Variants in SMC2 observed in about 807,000 individuals in gnomAD.
The protein encoded by SMC2 is structural maintenance of chromosomes 2, also known as structural maintenance of chromosomes protein 2.
A neutral mutation model predicts 142.6 loss-of-function variants in SMC2; 41 were observed. The ratio of observed to expected loss-of-function variants is 0.29; its 90% CI spans 0.22 to 0.37. The LOEUF is 0.37. SMC2 is among the 10% of genes least tolerant of loss of function. SMC2 has a pLI of 1.00. For synonymous variants in SMC2, 463 were observed against 457.5 expected (o/e 1.01, Z -0.15); for missense variants, 1,265 against 1,373.7 (o/e 0.92, Z 1.25).
Position 104,121,034 on chromosome 9 carries a change from G to A in SMC2, c.2132+872G>A, listed in dbSNP as rs931651571. 1.2e-4 allele frequency among the ~76,000 whole-genome samples: 17 copies of A among 137,284 alleles called. 1 individual carries two copies. Among genetic ancestry groups the A allele is most frequent in the Admixed American group, 1.1e-3 (16 of 14,760 alleles). The allele number at this position is 137,284 out of a possible 152,430, so 90.1% of individuals were successfully genotyped here. A position where few individuals can be genotyped will look rare whatever the true frequency, so the allele number is the denominator to read the frequency against. ...AAGACATGTTAAAATTTTATATTGG[G>A]TGGCCAAGAAAAGCCTCACTGAGGA... On this transcript the variant is annotated intron_variant, in intron 16 of 24. Coordinates refer to ENST00000374793, the MANE Select transcript of SMC2 (RefSeq NM_006444.3).
rs1157079122 is a variant in SMC2 at position 104,100,374 on chromosome 9, T to G, written c.592-15T>G. 6.6e-7 allele frequency: 1 copy of G among 1,518,656 alleles called. No individual in the cohort carries two copies. The highest frequency in any genetic ancestry group is 1.4e-5 in the African/African-American group (1 of 72,134). The allele number at this position is 1,518,656 out of a possible 1,614,324, so 94.1% of individuals were successfully genotyped here. A position where few individuals can be genotyped will look rare whatever the true frequency, so the allele number is the denominator to read the frequency against. On this transcript the variant is annotated splice_polypyrimidine_tract_variant and intron_variant, in intron 6 of 24. Coordinates refer to ENST00000374793, the MANE Select transcript of SMC2 (RefSeq NM_006444.3). ...ACTTTACATGCGAAAATACTGATTT[T>G]TCTTTATTTTCCAGATACTTGAAGA...
At chr9:104,118,111 A>C in intron 14 of SMC2, 60 bp from the exon 15 acceptor site, 1 of 1,352,658 alleles carries the variant, frequency 7.4e-7, no homozygotes, top group Non-Finnish European at 1.0e-6. Context: ...GGTTTATAAA[A>C]TCATATCTGA....
intron 21 of SMC2, among the ~76,000 whole-genome samples, 191 bp from the exon 22 acceptor site, chr9:104,131,818 T>C (rs1381513462): frequency 1.3e-5 from 2 of 152,040 alleles, no homozygotes; most frequent in South Asian, 4.1e-4. Flanking sequence ...TGAGTGTGTA[T>C]ATACACACAC....
Position 104,139,394 on chromosome 9 carries a change from T to G in SMC2, c.*79T>G. Reference sequence around the variant, plus strand: ...GGACTTGAGATAACTAATTTGTTTATATACAAAAATTAATGTTACTGTGTT... The same window carrying G: ...GGACTTGAGATAACTAATTTGTTTAGATACAAAAATTAATGTTACTGTGTT... On this transcript the variant is annotated 3_prime_UTR_variant, in exon 25 of 25. Transcript: ENST00000374793. 6.8e-6 allele frequency: 8 copies of G among 1,171,656 alleles called. No homozygotes were observed. Among genetic ancestry groups the G allele is most frequent in the Non-Finnish European group, 8.4e-6 (7 of 836,822 alleles). 72.6% of individuals were successfully genotyped at this position (1,171,656 alleles called of 1,614,324 possible). A position where few individuals can be genotyped will look rare whatever the true frequency, so the allele number is the denominator to read the frequency against.
At chr9:104,100,723 T>C (rs748873979) in intron 7 of SMC2, among the ~76,000 whole-genome samples, 2 of 152,208 alleles carry the variant, frequency 1.3e-5, no homozygotes, top group African/African-American at 2.4e-5. Context: ...TTAGTTAGCA[T>C]TGACTGGAAC....
Position 104,114,025 on chromosome 9 carries a change from G to A in SMC2, c.1476G>A (p.Leu492=). 1 of 1,602,212 alleles carries A rather than the reference G, an allele frequency of 6.2e-7. No individual in the cohort carries two copies. Among genetic ancestry groups the A allele is most frequent in the Non-Finnish European group, 8.5e-7 (1 of 1,176,712 alleles). ...AGCTGTCTCGTGATATTGGTAGATT[G>A]AAAGAAACATATGAAGCTCTATTAG... is the stretch of plus-strand genomic sequence containing the variant. ...RRQLSRDIGR[L]KETYEALLAR... Residue 492 remains leucine (L), a synonymous_variant, in exon 12 of 25, where the codon TTG becomes TTA. Transcript: ENST00000374793.
intron 17 of SMC2, among the ~76,000 whole-genome samples, chr9:104,124,535 A>G (rs1834062389): frequency 6.6e-6 from 1 of 152,158 alleles, no homozygotes; most frequent in African/African-American, 2.4e-5. Flanking sequence ...ATGAAATTAC[A>G]CACTTTCTAG....
rs1374149709 is a variant in SMC2 at position 104,111,537 on chromosome 9, T to C, written c.1021-44T>C. The C allele has an allele frequency of 4.4e-6, 6 of 1,379,262 alleles. No homozygotes were observed. In the East Asian group the frequency reaches 7.1e-5, roughly 16 times the overall value. The allele number at this position is 1,379,262 out of a possible 1,614,324, so 85.4% of individuals were successfully genotyped here. A position where few individuals can be genotyped will look rare whatever the true frequency, so the allele number is the denominator to read the frequency against. Reference sequence around the variant, plus strand: ...GTATGCGTATAAGAAAGTGGGTGTTTTTCCTGAAATATAATATTTTTCCAT... The same window carrying C: ...GTATGCGTATAAGAAAGTGGGTGTTCTTCCTGAAATATAATATTTTTCCAT... On this transcript the variant is annotated intron_variant, in intron 9 of 24. Coordinates refer to ENST00000374793, the MANE Select transcript of SMC2 (RefSeq NM_006444.3).
chr9:104,125,562 T>C (rs1289446946), intron 18 of SMC2, among the ~76,000 whole-genome samples: 2 of 150,998 alleles, frequency 1.3e-5, no homozygotes, highest in African/African-American at 5.0e-5. Flanking sequence ...AAGTTGACGG[T>C]TGGTAAATGC....
At chr9:104,112,709 A>C (rs1832617196) in intron 10 of SMC2, among the ~76,000 whole-genome samples, 1 of 152,164 alleles carries the variant, frequency 6.6e-6, no homozygotes, top group African/African-American at 2.4e-5. Flanking sequence ...CCCCCATCTA[A>C]AACCCCATCT....
At chr9:104,099,432 A>G (rs1386933574) in intron 4 of SMC2, among the ~76,000 whole-genome samples, 1 of 146,294 alleles carries the variant, frequency 6.8e-6, no homozygotes, top group East Asian at 1.9e-4. Context: ...CATTTGTATC[A>G]TTTCATAACT....
intron 8 of SMC2, 84 bp from the exon 9 acceptor site, chr9:104,102,338 AAG>A (rs1219448536): frequency 3.9e-6 from 5 of 1,291,220 alleles, no homozygotes; most frequent in Admixed American, 2.4e-5. Context: ...ACTTATAAAA[AAG>A]TGTTTGATAC....
intron 7 of SMC2, 89 bp downstream of exon 7, chr9:104,100,522 C>G (rs756588084): frequency 2.1e-5 from 18 of 860,962 alleles, no homozygotes; most frequent in Non-Finnish European, 2.9e-5. Context: ...GATACTATTT[C>G]TTGGGGGTTT....
chr9:104,138,292 A>G (rs1357595546), intron 24 of SMC2, 127 bp downstream of exon 24: 4 of 688,020 alleles, frequency 5.8e-6, no homozygotes, highest in African/African-American at 1.8e-5. Context: ...TTGTATATCT[A>G]TTTAAATAGA....
chr9:104,097,278 TTG>T (rs1166847391), intron 3 of SMC2, among the ~76,000 whole-genome samples: 2 of 151,704 alleles, frequency 1.3e-5, no homozygotes, highest in Non-Finnish European at 2.9e-5. Context: ...TTTTTGTTTT[TTG>T]TATTTTTAGT....
intron 10 of SMC2, 100 bp downstream of exon 10, chr9:104,111,914 G>T: frequency 1.2e-6 from 1 of 841,444 alleles, no homozygotes. Flanking sequence ...AAAATAATCA[G>T]TCTCAAGGAA....
intron 18 of SMC2, among the ~76,000 whole-genome samples, chr9:104,125,915 CT>C (rs1683366448): frequency 6.6e-6 from 1 of 151,864 alleles, no homozygotes; most frequent in African/African-American, 2.4e-5. Context: ...CATTAAATAG[CT>C]GTAAAAAGTA....
At chr9:104,106,825 A>T (rs774131761) in intron 9 of SMC2, among the ~76,000 whole-genome samples, 2 of 152,194 alleles carry the variant, frequency 1.3e-5, no homozygotes, top group Non-Finnish European at 2.9e-5. Flanking sequence ...CCAAATGGAC[A>T]TCACCACTGC....
chr9:104,096,212 C>G lies in SMC2; in HGVS notation c.233C>G (p.Ser78Cys). ...KNGQAGITKA[S>C]VSITFDNSDK... ...GGGCAGGCTGGTATTACCAAAGCCT[C>G]TGTGTCAATCACTTTTGATAATTCT... Residue 78 changes from serine (S) to cysteine (C), a missense_variant, in exon 3 of 25, where the codon TCT becomes TGT. Physicochemically the swap from Ser to Cys is moderately radical, Grantham distance 112. Coordinates refer to ENST00000374793, the MANE Select transcript of SMC2 (RefSeq NM_006444.3). 6.2e-7 allele frequency: 1 copy of G among 1,613,800 alleles called. No individual in the cohort carries two copies. The highest frequency in any genetic ancestry group is 1.3e-5 in the African/African-American group (1 of 75,050).
Sources: allele counts gnomAD v4.1 joint callset (sites outside exome capture counted in the v4.1 genomes callset), GRCh38; gene constraint gnomAD v4.1.1; transcripts MANE v1.5; gene names NCBI Gene and HGNC (gene_info 2026-07-23, HGNC 2026-07-21).